SPINK5: variants seen among roughly 807,000 people sequenced by gnomAD.
SPINK5 encodes serine peptidase inhibitor Kazal type 5.
Under a neutral mutation model 151.8 loss-of-function variants are expected in SPINK5, and 125 were observed. The ratio of observed to expected loss-of-function variants is 0.82; its 90% CI spans 0.71 to 0.96. SPINK5 has a LOEUF of 0.96. Among genes scored for constraint, SPINK5 ranks in the 40% least tolerant of loss-of-function variants. SPINK5 has a pLI of 0.00. For missense variants in SPINK5, 1,194 were observed against 1,291.9 expected (o/e 0.92, Z 1.16); for synonymous variants, 374 against 395.3 (o/e 0.95, Z 0.64).
chr5:148,114,445 T>C lies in SPINK5; in HGVS notation c.1971T>C (p.Asp657=), dbSNP rs1699884684. The C allele has an allele frequency of 1.2e-6, 2 of 1,613,750 alleles. No individual in the cohort carries two copies. The highest frequency in any genetic ancestry group is 1.7e-6 in the Non-Finnish European group (2 of 1,179,740). Residue 657 remains aspartate, a synonymous_variant, in exon 21 of 33, where the codon GAT becomes GAC. Coordinates refer to ENST00000256084, the MANE Select transcript of SPINK5 (RefSeq NM_006846.4). ...TRENDPVRGP[D]GKTHGNKCAM... is the part of the protein sequence containing the mutation. ...AAAATGATCCTGTGCGTGGCCCAGATGGCAAGACCCATGGCAACAAGTGTG... is the reference window on the plus strand; with the variant it reads ...AAAATGATCCTGTGCGTGGCCCAGACGGCAAGACCCATGGCAACAAGTGTG...
chr5:148,108,965 T>A, intron 18 of SPINK5, 128 bp downstream of exon 18: 1 of 1,504,320 alleles, frequency 6.6e-7, no homozygotes, highest in South Asian at 1.2e-5. Flanking sequence ...TGTGTTTGGA[T>A]CCCCATATAC....
chr5:148,125,006 G>T, intron 28 of SPINK5, 169 bp downstream of exon 28: 2 of 985,480 alleles, frequency 2.0e-6, no homozygotes, highest in Non-Finnish European at 2.7e-6. Flanking sequence ...GGGGTTTGGG[G>T]GTTTGATACC....
At chr5:148,117,899 T>A (rs1466462843) in intron 22 of SPINK5, among the ~76,000 whole-genome samples, 1 of 152,164 alleles carries the variant, frequency 6.6e-6, no homozygotes, top group East Asian at 1.9e-4. Flanking sequence ...TATAATTTCC[T>A]TGTGTAGATC....
Position 148,101,894 on chromosome 5 carries a change from G to T in SPINK5, c.1416G>T (p.Met472Ile). 1 of 1,613,640 alleles carries T rather than the reference G, an allele frequency of 6.2e-7. No homozygotes were observed. Among genetic ancestry groups the T allele is most frequent in the Non-Finnish European group, 8.5e-7 (1 of 1,179,642 alleles). The change falls in exon 15 of 33, where the codon ATG (methionine) becomes ATT (isoleucine). Residue 472 changes from methionine (M) to isoleucine (I), a missense_variant. By Grantham distance (10) the Met-to-Ile change is conservative. Coordinates refer to ENST00000256084, the MANE Select transcript of SPINK5 (RefSeq NM_006846.4). ...DGKMHGNTCS[M>I]CEAFFQQEER... The stretch of plus-strand genomic sequence containing the variant: ...AAATGCATGGCAACACCTGCTCCAT[G>T]TGTGAGGCCTTCTTGTGAGTAGAGC...
At position 148,124,081 on chromosome 5, in the gene SPINK5, C is replaced by G. The variant is rs147567425; in HGVS notation, c.2666+121C>G. The G allele has an allele frequency of 3.0e-5, 34 of 1,123,234 alleles. No individual in the cohort carries two copies. In the African/African-American group the frequency reaches 4.4e-4, roughly 14 times the overall value. The allele number at this position is 1,123,234 out of a possible 1,614,324, so 69.6% of individuals were successfully genotyped here. ...ACATTAATGATATGATACCTCCTCTCTTTTGAAGAGACAATTTCCAAAGCA... is the reference window on the plus strand; with the variant it reads ...ACATTAATGATATGATACCTCCTCTGTTTTGAAGAGACAATTTCCAAAGCA... On this transcript the variant is annotated intron_variant, in intron 27 of 32. Transcript: ENST00000256084.
chr5:148,078,190 C>T (rs1447836863), intron 4 of SPINK5, among the ~76,000 whole-genome samples: 1 of 150,654 alleles, frequency 6.6e-6, no homozygotes, highest in Admixed American at 6.6e-5. Flanking sequence ...TTATTAGAGA[C>T]AAATAGGGAT....
intron 8 of SPINK5, among the ~76,000 whole-genome samples, chr5:148,091,966 C>A (rs1034969022): frequency 2.0e-5 from 3 of 151,784 alleles, no homozygotes; most frequent in African/African-American, 2.4e-5. Flanking sequence ...AAATGGCTAA[C>A]CTTTTGTTGA....
At chr5:148,095,971 A>C in intron 10 of SPINK5, 66 bp downstream of exon 10, 1 of 1,242,890 alleles carries the variant, frequency 8.0e-7, no homozygotes, top group Non-Finnish European at 1.2e-6. Flanking sequence ...TGTGTGAGAG[A>C]GTGCATATTA....
intron 29 of SPINK5, among the ~76,000 whole-genome samples, chr5:148,126,307 A>AATGATGATGATGATG (rs10653454): frequency 1.6e-4 from 24 of 150,582 alleles, no homozygotes; most frequent in African/African-American, 5.6e-4. Flanking sequence ...GGACATTATA[A>AATGATGATGATGATG]ATGATGATGA....
chr5:148,121,167 A>C (rs1436421717), intron 26 of SPINK5, among the ~76,000 whole-genome samples: 1 of 144,436 alleles, frequency 6.9e-6, no homozygotes, highest in Non-Finnish European at 1.5e-5. Context: ...AAAAAAAAAA[A>C]GGAAAAGAAA....
At chr5:148,083,606 C>A (rs140625517) in intron 4 of SPINK5, among the ~76,000 whole-genome samples, 70 of 151,388 alleles carry the variant, frequency 4.6e-4, no homozygotes, top group African/African-American at 1.7e-3. Flanking sequence ...TTGTCAATTT[C>A]TTTGTCTTCT....
At chr5:148,085,221 G>C (rs1453273072) in intron 4 of SPINK5, among the ~76,000 whole-genome samples, 1 of 151,776 alleles carries the variant, frequency 6.6e-6, no homozygotes, top group African/African-American at 2.4e-5. Context: ...CTAGATAAGA[G>C]TTTCTCAACC....
chr5:148,083,481 G>A (rs1435553372), intron 4 of SPINK5, among the ~76,000 whole-genome samples: 1 of 151,150 alleles, frequency 6.6e-6, no homozygotes, highest in Admixed American at 6.6e-5. Context: ...ATATTTAGTA[G>A]TTTCTTCTTT....
At chr5:148,101,310 G>A (rs1341004133) in intron 13 of SPINK5, 45 bp from the exon 14 acceptor site, 10 of 1,367,878 alleles carry the variant, frequency 7.3e-6, no homozygotes, top group Non-Finnish European at 1.0e-5. Flanking sequence ...CTAATGTGGC[G>A]ATTCTATGAT....
chr5:148,083,497 T>C (rs1268995937), intron 4 of SPINK5, among the ~76,000 whole-genome samples: 1 of 151,416 alleles, frequency 6.6e-6, no homozygotes, highest in African/African-American at 2.4e-5. Context: ...TCTTTCTAGC[T>C]TTTTTTGGGT....
intron 27 of SPINK5, 62 bp from the exon 28 acceptor site, chr5:148,124,702 TA>T: frequency 7.5e-7 from 1 of 1,341,444 alleles, no homozygotes; most frequent in Non-Finnish European, 1.0e-6. Context: ...AATACTTGGT[TA>T]AAGACAATTC....
At chr5:148,104,890 C>T (rs941771775) in intron 15 of SPINK5, 62 bp from the exon 16 acceptor site, 19 of 1,471,178 alleles carry the variant, frequency 1.3e-5, no homozygotes, top group East Asian at 1.2e-4. Context: ...AGAGAGACTC[C>T]GTCTCAAAAA....
chr5:148,135,932 G>T (rs1754684815), intron 32 of SPINK5, among the ~76,000 whole-genome samples: 2 of 152,038 alleles, frequency 1.3e-5, no homozygotes, highest in South Asian at 4.1e-4. Flanking sequence ...ATTTACATAG[G>T]TCTTTAGAGT....
chr5:148,089,261 T>A (rs554938715), intron 6 of SPINK5: 5 of 588,454 alleles, frequency 8.5e-6, no homozygotes, highest in South Asian at 7.6e-5. Context: ...TCTGTCTGAG[T>A]TCTGGCACAT....
Sources: gnomAD v4.1 joint callset for allele counts (sites outside exome capture counted in the v4.1 genomes callset) on GRCh38, gnomAD v4.1.1 for gene constraint, MANE v1.5 for transcripts, NCBI Gene and HGNC (gene_info 2026-07-23, HGNC 2026-07-21) for gene names.